TUBA4B: variants seen among roughly 807,000 people sequenced by gnomAD.
TUBA4B encodes tubulin alpha 4b.
In TUBA4B, 13 loss-of-function variants were observed where a neutral mutation model predicts 18.4. The ratio of observed to expected loss-of-function variants is 0.71; its 90% CI spans 0.46 to 1.12. TUBA4B has a LOEUF of 1.12. Ranked by LOEUF, TUBA4B falls within the 50% of genes most tolerant of loss-of-function variation. The pLI, the probability that TUBA4B is intolerant of heterozygous loss-of-function variation, is 0.00. For missense variants in TUBA4B, 244 were observed against 250.0 expected (o/e 0.98, Z 0.16); for synonymous variants, 101 against 99.1 (o/e 1.02, Z -0.11).
intron 1 of TUBA4B, among the ~76,000 whole-genome samples, chr2:219,255,084 T>G (rs1951706761): frequency 6.6e-6 from 1 of 152,180 alleles, no homozygotes; most frequent in Non-Finnish European, 1.5e-5. Context: ...AGTGTCTTGC[T>G]GTGTCACCCA....
Position 219,271,794 on chromosome 2 carries a change from C to A in TUBA4B, c.*95C>A. 1 of 1,605,630 alleles carries A rather than the reference C, an allele frequency of 6.2e-7. No homozygotes were observed. Among genetic ancestry groups the A allele is most frequent in the African/African-American group, 1.3e-5 (1 of 74,908 alleles). On this transcript the variant is annotated 3_prime_UTR_variant, in exon 4 of 4. Transcript: ENST00000490341. ...ATGTCAACGCTGCCATTGCTGCCAT[C>A]AAGACCAAGTGCAGCATTCAGTTTG...
chr2:219,272,130 G>A lies in TUBA4B; in HGVS notation c.*431G>A, dbSNP rs1951832093. On this transcript the variant is annotated 3_prime_UTR_variant, in exon 4 of 4. Transcript: ENST00000490341. ...TGTGGAGTGGGGGGAAGAAAAGATA[G>A]GGGGGATGAATACTAGGGGAATACT... 1 of 703,158 alleles carries A rather than the reference G, an allele frequency of 1.4e-6. No individual in the cohort carries two copies. The highest frequency in any genetic ancestry group is 2.5e-6 in the Non-Finnish European group (1 of 405,096). 43.6% of individuals were successfully genotyped at this position (703,158 alleles called of 1,614,324 possible).
intron 2 of TUBA4B, among the ~76,000 whole-genome samples, chr2:219,269,825 G>A (rs1028682090): frequency 3.3e-5 from 5 of 152,132 alleles, no homozygotes; most frequent in African/African-American, 1.2e-4. Context: ...GGCGGTGTTT[G>A]TGGATCTGGA....
rs562496165 is a variant in TUBA4B at position 219,253,356 on chromosome 2, G to GT, written c.-52_-51insT. The stretch of plus-strand genomic sequence containing the variant: ...CTCAGACGCGGGGTGCTGAGTCACG[G>GT]GGGGGGGGTGGTTCTGTGGATAGTT... On this transcript the variant is annotated 5_prime_UTR_variant, in exon 1 of 4. Coordinates refer to ENST00000490341, the MANE Select transcript of TUBA4B (RefSeq NM_001355221.1). 380 of 1,462,320 alleles carry GT rather than the reference G, an allele frequency of 2.6e-4. No individual in the cohort carries two copies. The African/African-American group carries it at 5.8e-3, about 22-fold the overall frequency. 90.6% of individuals were successfully genotyped at this position (1,462,320 alleles called of 1,614,324 possible). A position where few individuals can be genotyped will look rare whatever the true frequency, so the allele number is the denominator to read the frequency against.
At chr2:219,269,818 G>A (rs58129586) in intron 2 of TUBA4B, among the ~76,000 whole-genome samples, 3,293 of 152,136 alleles carry the variant, frequency 0.022, 129 homozygotes, top group African/African-American at 0.076. Flanking sequence ...TGCCCCAGGC[G>A]GTGTTTGTGG....
At position 219,271,667 on chromosome 2, in the gene TUBA4B, A is replaced by G. The variant is rs781237682; in HGVS notation, c.694A>G (p.Met232Val). 6.2e-7 allele frequency: 1 copy of G among 1,613,702 alleles called. No homozygotes were observed. Among genetic ancestry groups the G allele is most frequent in the South Asian group, 1.1e-5 (1 of 91,066 alleles). Reference sequence around the variant, plus strand: ...CAGCTGTTGGTGGCAGAGATTACCAATGCCTGCTTTGAGCCTGCCAACCAG... The same window carrying G: ...CAGCTGTTGGTGGCAGAGATTACCAGTGCCTGCTTTGAGCCTGCCAACCAG... ...TSSCWWQRLP[M>V]PALSLPTRW Residue 232 changes from methionine to valine, a missense_variant, in exon 4 of 4, where the codon ATG becomes GTG. Coordinates refer to ENST00000490341, the MANE Select transcript of TUBA4B (RefSeq NM_001355221.1).
chr2:219,271,933 C>G lies in TUBA4B; in HGVS notation c.*234C>G. 6.8e-7 allele frequency: 1 copy of G among 1,468,358 alleles called. No individual in the cohort carries two copies. Among genetic ancestry groups the G allele is most frequent in the Non-Finnish European group, 9.5e-7 (1 of 1,047,600 alleles). 91.0% of individuals were successfully genotyped at this position (1,468,358 alleles called of 1,614,324 possible). ...GCCATGTGCATGCTGAGCAACATGA[C>G]AGCCATCACTATGGCCTGGGCCCGC... On this transcript the variant is annotated 3_prime_UTR_variant, in exon 4 of 4. Coordinates refer to ENST00000490341, the MANE Select transcript of TUBA4B (RefSeq NM_001355221.1).
intron 2 of TUBA4B, 27 bp from the exon 3 acceptor site, chr2:219,270,175 T>C: frequency 9.8e-6 from 7 of 716,396 alleles, no homozygotes; most frequent in Non-Finnish European, 1.8e-5. Flanking sequence ...CCCAAAACTC[T>C]GCCCACTGCA....
At chr2:219,263,953 G>C (rs1951773904) in intron 1 of TUBA4B, among the ~76,000 whole-genome samples, 1 of 152,178 alleles carries the variant, frequency 6.6e-6, no homozygotes, top group Non-Finnish European at 1.5e-5. Context: ...ACTTTTATTT[G>C]CTAAATCTGG....
At chr2:219,259,957 A>G (rs185161477) in intron 1 of TUBA4B, among the ~76,000 whole-genome samples, 89 of 152,292 alleles carry the variant, frequency 5.8e-4, no homozygotes, top group Non-Finnish European at 1.1e-3. Flanking sequence ...GCTTTTGCCA[A>G]GGTCTCTAGT....
intron 2 of TUBA4B, among the ~76,000 whole-genome samples, chr2:219,269,690 T>C (rs1951813704): frequency 6.6e-6 from 1 of 152,120 alleles, no homozygotes; most frequent in Non-Finnish European, 1.5e-5. Flanking sequence ...TGCTGGGAGC[T>C]CTACTGCCTG....
intron 3 of TUBA4B, among the ~76,000 whole-genome samples, chr2:219,270,859 T>C (rs545659806): frequency 3.2e-4 from 48 of 151,770 alleles, no homozygotes; most frequent in African/African-American, 1.0e-3. Flanking sequence ...GACGACAAGA[T>C]GAGGGAGCCC....
At chr2:219,261,137 G>T (rs1319113001) in intron 1 of TUBA4B, among the ~76,000 whole-genome samples, 1 of 151,934 alleles carries the variant, frequency 6.6e-6, no homozygotes, top group African/African-American at 2.4e-5. Flanking sequence ...TATCCCACAA[G>T]AAATCTGAGT....
At chr2:219,258,487 G>C (rs956827541) in intron 1 of TUBA4B, among the ~76,000 whole-genome samples, 9 of 141,576 alleles carry the variant, frequency 6.4e-5, no homozygotes, top group Non-Finnish European at 1.4e-4. Context: ...CGCCTGGCTA[G>C]TTTTTTTTTT....
chr2:219,264,253 A>G (rs1951776255), intron 1 of TUBA4B, among the ~76,000 whole-genome samples: 1 of 152,214 alleles, frequency 6.6e-6, no homozygotes, highest in Non-Finnish European at 1.5e-5. Flanking sequence ...TGAGGTCAGG[A>G]GTTCGAGACC....
chr2:219,271,029 G>T, intron 3 of TUBA4B, 137 bp from the exon 4 acceptor site: 1 of 603,534 alleles, frequency 1.7e-6, no homozygotes, highest in Non-Finnish European at 2.9e-6. Context: ...ACTCTATGAG[G>T]ATCTCTTTTG....
intron 1 of TUBA4B, among the ~76,000 whole-genome samples, chr2:219,257,764 C>T (rs183793169): frequency 2.4e-4 from 37 of 151,186 alleles, no homozygotes; most frequent in African/African-American, 8.3e-4. Context: ...TTGTGGTGAG[C>T]CAAGATTGTG....
At chr2:219,265,555 C>T (rs756362836) in intron 1 of TUBA4B, among the ~76,000 whole-genome samples, 15 of 151,978 alleles carry the variant, frequency 9.9e-5, no homozygotes, top group Non-Finnish European at 1.5e-4. Context: ...GAGAATCGCT[C>T]GAACCCCGGA....
intron 1 of TUBA4B, chr2:219,253,728 CA>C: frequency 8.5e-7 from 1 of 1,179,940 alleles, no homozygotes; most frequent in South Asian, 1.5e-5. Context: ...AGGGAGGATG[CA>C]AAACCCTCGC....
Sources: allele counts gnomAD v4.1 joint callset (sites outside exome capture counted in the v4.1 genomes callset), GRCh38; gene constraint gnomAD v4.1.1; transcripts MANE v1.5; gene names NCBI Gene and HGNC (gene_info 2026-07-23, HGNC 2026-07-21).